RIC1: variants seen among roughly 807,000 people sequenced by gnomAD.
The protein encoded by RIC1 is RIC1 partner of RAB6A GEF complex, also known as guanine nucleotide exchange factor subunit RIC1.
A neutral mutation model predicts 169.0 loss-of-function variants in RIC1; 88 were observed. The ratio of observed to expected loss-of-function variants is 0.52; its 90% confidence interval spans 0.44 to 0.62. The LOEUF is 0.62. Ranked by LOEUF, RIC1 falls within the 20% of genes least tolerant of loss-of-function variation. The pLI is 0.00. For missense variants in RIC1, 1,877 were observed against 1,725.5 expected (o/e 1.09, Z -1.56); for synonymous variants, 790 against 601.5 (o/e 1.31, Z -4.59).
chr9:5,711,870 C>T (rs750636697), intron 3 of RIC1, among the ~76,000 whole-genome samples: 4 of 152,124 alleles, frequency 2.6e-5, no homozygotes, highest in Admixed American at 6.5e-5. Flanking sequence ...ATGATGGTTT[C>T]CAGCTTCATC....
chr9:5,656,055 A>G lies in RIC1; in HGVS notation c.145-528A>G, dbSNP rs1344137290. ...CAGCTAATTTTTTTGTATTTTTAGT[A>G]GAAACGGGGTTTCACTGTGTTAGCC... On this transcript the variant is annotated intron_variant, in intron 1 of 25. Transcript: ENST00000414202. 4.6e-5 allele frequency among the ~76,000 whole-genome samples: 7 copies of G among 152,214 alleles called. No homozygotes were observed. The South Asian group carries it at 1.2e-3, about 27-fold the overall frequency.
In RIC1 at chr9:5,756,366, C is replaced by G. The variant is rs1180449935; in HGVS notation, c.1847C>G (p.Ser616Cys). 1 of 1,467,438 alleles carries G rather than the reference C, an allele frequency of 6.8e-7. No individual in the cohort carries two copies. Among genetic ancestry groups the G allele is most frequent in the Non-Finnish European group, 9.1e-7 (1 of 1,094,580 alleles). 90.9% of individuals were successfully genotyped at this position (1,467,438 alleles called of 1,614,324 possible). A position where few individuals can be genotyped will look rare whatever the true frequency, so the allele number is the denominator to read the frequency against. Reference protein sequence around the residue: ...SICLYSIERKSDGPNTTAGIQ... With the variant: ...SICLYSIERKCDGPNTTAGIQ... ...TGCCTTTACAGTATTGAAAGAAAAT[C>G]TGATGGGTAAGTATCTGGCATATGA... Residue 616 changes from serine (S) to cysteine (C), a missense_variant, in exon 16 of 26, where the codon TCT (serine) becomes TGT (cysteine). Ser to Cys is a moderately radical substitution (Grantham distance 112). Transcript: ENST00000414202.
chr9:5,650,696 A>G (rs1818756643), intron 1 of RIC1, among the ~76,000 whole-genome samples: 4 of 152,074 alleles, frequency 2.6e-5, no homozygotes, highest in Admixed American at 6.5e-5. Flanking sequence ...TGTCAGTGGC[A>G]GCAACCCCAG....
chr9:5,736,519 A>C (rs142611258), intron 7 of RIC1, among the ~76,000 whole-genome samples: 407 of 152,302 alleles, frequency 2.7e-3, no homozygotes, highest in Admixed American at 5.4e-3. Context: ...TCCTGAGCTG[A>C]GATAAGCACA....
At chr9:5,778,295 G>T (rs143181047), downstream of RIC1, among the ~76,000 whole-genome samples, 1 of 152,030 alleles carries the variant, frequency 6.6e-6, no homozygotes, top group Non-Finnish European at 1.5e-5. Context: ...CTTTTTTGTG[G>T]ATTCCTTAGG....
chr9:5,699,531 A>G (rs781673401), intron 3 of RIC1, among the ~76,000 whole-genome samples: 1 of 151,280 alleles, frequency 6.6e-6, no homozygotes, highest in Non-Finnish European at 1.5e-5. Context: ...TGTATATTGC[A>G]TATATAACTA....
chr9:5,773,892 C>T, intron 25 of RIC1, 66 bp from the exon 26 acceptor site: 4 of 1,402,576 alleles, frequency 2.9e-6, no homozygotes, highest in Non-Finnish European at 2.9e-6. Context: ...TAGAAGTTCA[C>T]CCGTAATGTT....
At chr9:5,653,776 T>A (rs1473347810) in intron 1 of RIC1, among the ~76,000 whole-genome samples, 2 of 151,996 alleles carry the variant, frequency 1.3e-5, no homozygotes, top group Non-Finnish European at 2.9e-5. Context: ...TTTTGTATTT[T>A]TAGTAGAGAT....
chr9:5,758,032 T>C (rs1826109444), intron 17 of RIC1, among the ~76,000 whole-genome samples: 1 of 152,154 alleles, frequency 6.6e-6, no homozygotes, highest in African/African-American at 2.4e-5. Flanking sequence ...TGAACTGAAG[T>C]AAGACAAAAC....
rs186533810 is a variant in RIC1 at position 5,684,361 on chromosome 9, T to C, written c.253-5598T>C. On this transcript the variant is annotated intron_variant, in intron 2 of 25. Coordinates refer to ENST00000414202, the MANE Select transcript of RIC1 (RefSeq NM_020829.4). ...GGAGTTTGATTGGGATTACATTGAATCTTTGGATCCATTTGGGGAGAGTTG... is the reference window on the plus strand; with the variant it reads ...GGAGTTTGATTGGGATTACATTGAACCTTTGGATCCATTTGGGGAGAGTTG... 5.5e-5 allele frequency among the ~76,000 whole-genome samples: 8 copies of C among 146,346 alleles called. No homozygotes were observed. The East Asian group carries it at 1.7e-3, about 30-fold the overall frequency.
intron 6 of RIC1, among the ~76,000 whole-genome samples, chr9:5,725,721 C>G: frequency 6.6e-6 from 1 of 152,080 alleles, no homozygotes; most frequent in East Asian, 1.9e-4. Flanking sequence ...CCTCTACACA[C>G]TGCTTTAAAT....
chr9:5,705,717 C>T (rs968497945), intron 3 of RIC1, among the ~76,000 whole-genome samples: 5 of 152,102 alleles, frequency 3.3e-5, no homozygotes, highest in East Asian at 1.9e-4. Context: ...ATGATCGTAG[C>T]GGGAAAACTT....
rs763206595 is a variant in RIC1 at position 5,772,995 on chromosome 9, A to G, written c.3898A>G (p.Thr1300Ala). Residue 1300 changes from threonine (T) to alanine (A), a missense_variant, in exon 25 of 26, where the codon ACA (threonine) becomes GCA (alanine). Physicochemically the swap from Thr to Ala is moderately conservative, Grantham distance 58. This residue lies in a region of RIC1 where 681 missense variants were observed against 582.0 expected (regional missense o/e 1.17). Transcript: ENST00000414202. ...AATAATCAATCAGATTTTGGTTATT[A>G]CACAGTCTTCAGAGGTAGATGGAGA... ...SSIINQILVI[T>A]QSSEVDGEML... 4 of 1,613,616 alleles carry G rather than the reference A, an allele frequency of 2.5e-6. No homozygotes were observed. The highest frequency in any genetic ancestry group is 3.4e-6 in the Non-Finnish European group (4 of 1,179,724).
intron 2 of RIC1, among the ~76,000 whole-genome samples, chr9:5,660,923 G>A (rs1178000559): frequency 6.6e-6 from 1 of 152,058 alleles, no homozygotes; most frequent in Non-Finnish European, 1.5e-5. Context: ...TGAAATCTCT[G>A]CCTGTGCCTG....
chr9:5,776,419 TA>T lies in RIC1; in HGVS notation c.*2176del. The stretch of plus-strand genomic sequence containing the variant: ...GAGGTTTACTAGATGCATTTATTAA[TA>T]AATTATTTGCTGAAACCAAAACAAG... On this transcript the variant is annotated 3_prime_UTR_variant, in exon 26 of 26. Coordinates refer to ENST00000414202, the MANE Select transcript of RIC1 (RefSeq NM_020829.4). 6.6e-6 allele frequency: 1 copy of T among 151,926 alleles called. No homozygotes were observed. Among genetic ancestry groups the T allele is most frequent in the East Asian group, 1.9e-4 (1 of 5,194 alleles). 9.4% of individuals were successfully genotyped at this position (151,926 alleles called of 1,614,324 possible).
intron 1 of RIC1, among the ~76,000 whole-genome samples, chr9:5,651,009 C>T (rs1171992866): frequency 6.6e-6 from 1 of 152,246 alleles, no homozygotes; most frequent in Admixed American, 6.5e-5. Context: ...TGACACCATG[C>T]TGTAACTGTT....
intron 2 of RIC1, among the ~76,000 whole-genome samples, chr9:5,659,787 GTTT>G (rs1408115774): frequency 6.6e-6 from 1 of 152,034 alleles, no homozygotes; most frequent in Non-Finnish European, 1.5e-5. Flanking sequence ...AAATGGAATT[GTTT>G]TTAAGTTTCC....
At chr9:5,659,103 A>C (rs540589823) in intron 2 of RIC1, among the ~76,000 whole-genome samples, 33 of 152,118 alleles carry the variant, frequency 2.2e-4, no homozygotes, top group African/African-American at 7.7e-4. Flanking sequence ...GTATATTACC[A>C]AAAAAAGTTG....
chr9:5,717,292 A>G (rs972448135), intron 4 of RIC1, among the ~76,000 whole-genome samples: 2 of 152,138 alleles, frequency 1.3e-5, no homozygotes, highest in Admixed American at 6.5e-5. Flanking sequence ...TTACTGGAGG[A>G]TAACTCTGTT....
Sources: allele counts gnomAD v4.1 joint callset (sites outside exome capture counted in the v4.1 genomes callset), GRCh38; gene constraint gnomAD v4.1.1; regional missense constraint gnomAD v4.1.1; transcripts MANE v1.5; gene names NCBI Gene and HGNC (gene_info 2026-07-23, HGNC 2026-07-21).